The following PHKA2 variants were observed in gnomAD, a reference collection of about 807,000 sequenced individuals.
PHKA2 encodes phosphorylase b kinase regulatory subunit alpha, liver isoform.
PHKA2 carries 31 observed loss-of-function variants against 102.0 expected under a neutral mutation model. That is an observed-to-expected ratio of 0.30 (90% CI 0.23 to 0.41). The LOEUF (loss-of-function observed/expected upper bound fraction) is 0.41. Ranked by LOEUF, PHKA2 falls within the 10% of genes least tolerant of loss-of-function variation. The pLI is 1.00. For missense variants in PHKA2, 858 were observed against 1,023.1 expected, an observed-to-expected ratio of 0.84 and a Z score of 2.20; for synonymous variants, 455 against 416.2, an observed-to-expected ratio of 1.09 and a Z score of -1.13.
chrX:18,904,144 G>A (rs2047757999), intron 26 of PHKA2, among the ~76,000 whole-genome samples: 1 of 111,651 alleles, frequency 9.0e-6, no homozygotes, highest in South Asian at 3.8e-4. Flanking sequence ...AACATTTAAA[G>A]GACAGCAGAG....
intron 18 of PHKA2, among the ~76,000 whole-genome samples, chrX:18,919,820 G>A (rs1195301025): frequency 9.1e-6 from 1 of 109,719 alleles, no homozygotes; most frequent in African/African-American, 3.3e-5. Flanking sequence ...GTTTAAAAAT[G>A]CCCCACTTTC....
In PHKA2 at chrX:18,924,397, G is replaced by A. The variant is rs1307211725; in HGVS notation, c.1698C>T (p.Ile566=). 2 of 1,211,166 alleles carry A rather than the reference G, an allele frequency of 1.7e-6. No homozygotes were observed. The highest frequency in any genetic ancestry group is 2.2e-5 in the Admixed American group (1 of 45,973). Residue 566 remains isoleucine, a synonymous_variant, in exon 16 of 33, where the codon ATC becomes ATT. Coordinates refer to ENST00000379942, the MANE Select transcript of PHKA2 (RefSeq NM_000292.3). ...MTGRPTLTFP[I]SRTMLTNDGS... is the part of the protein sequence containing the mutation. ...TGGAGTTACTGAGCATGGTGCGACT[G>A]ATGGGGAAGGTGAGTGTGGGTCTGC...
rs145313253 is a variant in PHKA2, at chrX:18,892,806, C to T, written c.*679G>A. On this transcript the variant is annotated 3_prime_UTR_variant, in exon 33 of 33. Transcript: ENST00000379942. ...TATTTTTCCTAAGGCAGGAGAAAAC[C>T]CTAGTTCATAGACAGCCAGGATAAA... is the stretch of plus-strand genomic sequence containing the variant. 0.014 allele frequency: 1,586 copies of T among 109,384 alleles called. 19 individuals are homozygous for T. The highest frequency in any genetic ancestry group is 0.029 in the Middle Eastern group (6 of 209). The allele number at this position is 109,384 out of a possible 1,213,427, so 9.0% of individuals were successfully genotyped here.
intron 18 of PHKA2, among the ~76,000 whole-genome samples, chrX:18,919,643 G>A (rs1422058638): frequency 2.8e-5 from 3 of 106,200 alleles, no homozygotes; most frequent in Non-Finnish European, 5.8e-5. Flanking sequence ...AGCCCAGGAG[G>A]TCGAGGCTGC....
At chrX:18,918,928 G>T in intron 18 of PHKA2, 74 bp from the exon 19 acceptor site, 2 of 938,548 alleles carry the variant, frequency 2.1e-6, no homozygotes, top group Non-Finnish European at 3.1e-6. Flanking sequence ...TAGTGACCAT[G>T]GGTAGCAAGC....
At chrX:18,937,999 C>CTGTGTG (rs1274066357) in intron 10 of PHKA2, among the ~76,000 whole-genome samples, 1 of 112,202 alleles carries the variant, frequency 8.9e-6, no homozygotes, top group African/African-American at 3.2e-5. Flanking sequence ...CAAAACCTGT[C>CTGTGTG]TGTGATGGAA....
At chrX:18,940,128 C>A in intron 8 of PHKA2, 80 bp from the exon 9 acceptor site, 4 of 638,678 alleles carry the variant, frequency 6.3e-6, no homozygotes, top group Middle Eastern at 3.0e-4. Flanking sequence ...CACCCTCTTT[C>A]CCATGAATCT....
At chrX:18,917,975 G>A (rs1193914887) in intron 19 of PHKA2, among the ~76,000 whole-genome samples, 2 of 110,255 alleles carry the variant, frequency 1.8e-5, no homozygotes, top group Non-Finnish European at 3.8e-5. Flanking sequence ...CAAAACAGAA[G>A]AATACATTGA....
chrX:18,895,080 A>C (rs1223342442), intron 31 of PHKA2, 58 bp downstream of exon 31: 13 of 1,067,644 alleles, frequency 1.2e-5, no homozygotes, highest in Non-Finnish European at 1.7e-5. Flanking sequence ...AGTCCATGCA[A>C]TGAAGCCCTT....
chrX:18,908,027 C>A lies in PHKA2; in HGVS notation c.2390G>T (p.Gly797Val). The change falls in exon 22 of 33, where the codon GGA becomes GTA. Residue 797 changes from glycine (G) to valine (V), a missense_variant. Gly to Val is a moderately radical substitution (Grantham distance 109, BLOSUM62 -3). Coordinates refer to ENST00000379942, the MANE Select transcript of PHKA2 (RefSeq NM_000292.3). ...GTTTTGAACGGTGACCCCGTGCTGT[C>A]CAGAGAGATTTGTGTCCCAGCTGGG... ...KGPSWDTNLS[G>V]QHGVTVQNLL... 8.3e-7 allele frequency: 1 copy of A among 1,211,284 alleles called. No homozygotes were observed. The highest frequency in any genetic ancestry group is 1.1e-6 in the Non-Finnish European group (1 of 895,081).
chrX:18,910,034 AG>A (rs1319716257), intron 20 of PHKA2, among the ~76,000 whole-genome samples: 1 of 112,858 alleles, frequency 8.9e-6, no homozygotes, highest in Non-Finnish European at 1.9e-5. Context: ...GGGTAGAATC[AG>A]GGAAGAGTCC....
At position 18,948,754 on chromosome X, in the gene PHKA2, T is replaced by C. The variant is rs1185704658; in HGVS notation, c.527A>G (p.Tyr176Cys). 2 of 1,166,265 alleles carry C rather than the reference T, an allele frequency of 1.7e-6. No homozygotes were observed. The highest frequency in any genetic ancestry group is 2.3e-6 in the Non-Finnish European group (2 of 855,581). The change falls in exon 5 of 33, where the codon TAT becomes TGT. Residue 176 changes from tyrosine (Y) to cysteine (C), a missense_variant. Tyr to Cys is a radical substitution (Grantham distance 194). Coordinates refer to ENST00000379942, the MANE Select transcript of PHKA2 (RefSeq NM_000292.3). Reference sequence around the variant, plus strand: ...AGGGTTGATACTTACAGCGACTTTATATGCAGCTTCTATGTAAAAGACAAG... The same window carrying C: ...AGGGTTGATACTTACAGCGACTTTACATGCAGCTTCTATGTAAAAGACAAG... Reference protein sequence around the residue: ...QNLVFYIEAAYKVADYGMWER... With the variant: ...QNLVFYIEAACKVADYGMWER...
chrX:18,899,461 T>TAG (rs750670507), intron 28 of PHKA2, among the ~76,000 whole-genome samples: 1 of 112,901 alleles, frequency 8.9e-6, no homozygotes, highest in African/African-American at 3.2e-5. Context: ...TTTAAAAACA[T>TAG]GAACTGTTAC....
intron 1 of PHKA2, among the ~76,000 whole-genome samples, chrX:18,972,842 A>G (rs1025988896): frequency 1.8e-5 from 2 of 111,716 alleles, no homozygotes; most frequent in Non-Finnish European, 3.8e-5. Context: ...TATCTGTTAC[A>G]TGGGGGCACA....
intron 4 of PHKA2, 80 bp downstream of exon 4, chrX:18,951,024 C>A: frequency 1.0e-6 from 1 of 998,991 alleles, no homozygotes; most frequent in African/African-American, 1.9e-5. Context: ...GCCTGACACA[C>A]TGGCCGCTAC....
chrX:18,979,910 A>G (rs998785965), intron 1 of PHKA2, among the ~76,000 whole-genome samples: 3 of 111,624 alleles, frequency 2.7e-5, no homozygotes, highest in African/African-American at 9.7e-5. Context: ...AGAAAGAGAG[A>G]TCAGACTGTT....
chrX:18,894,023 C>G, intron 32 of PHKA2, 181 bp downstream of exon 32: 1 of 499,239 alleles, frequency 2.0e-6, no homozygotes, highest in Non-Finnish European at 3.5e-6. Context: ...TATCCATCCC[C>G]AAAGGTCTTG....
intron 19 of PHKA2, 42 bp downstream of exon 19, chrX:18,918,639 A>G: frequency 8.8e-7 from 1 of 1,135,586 alleles, no homozygotes; most frequent in Non-Finnish European, 1.2e-6. Context: ...TACTTTGATA[A>G]AAGAAGGTAT....
chrX:18,958,719 T>TGCGCGTGTGTGTGTGC (rs1187104849), intron 1 of PHKA2, among the ~76,000 whole-genome samples: 1 of 110,493 alleles, frequency 9.1e-6, no homozygotes, highest in African/African-American at 3.3e-5. Flanking sequence ...TGTGTGTGTG[T>TGCGCGTGTGTGTGTGC]GCGTGTGTGT....
Sources: gnomAD v4.1 joint callset for allele counts (sites outside exome capture counted in the v4.1 genomes callset) on GRCh38, gnomAD v4.1.1 for gene constraint, MANE v1.5 for transcripts, NCBI Gene and HGNC (gene_info 2026-07-23, HGNC 2026-07-21) for gene names.